TMC3: variants seen among roughly 807,000 people sequenced by gnomAD.
TMC3 encodes transmembrane channel-like protein 3.
In TMC3, 98 loss-of-function variants were observed where a neutral mutation model predicts 110.6. The ratio of observed to expected loss-of-function variants is 0.89; its 90% CI spans 0.75 to 1.05. TMC3 has a LOEUF of 1.05. Among genes scored for constraint, TMC3 ranks in the 50% least tolerant of loss-of-function variants. TMC3 has a pLI of 0.00. For synonymous variants in TMC3, 489 were observed against 513.1 expected, an observed-to-expected ratio of 0.95 and a Z score of 0.63; for missense variants, 1,319 against 1,373.2, an observed-to-expected ratio of 0.96 and a Z score of 0.62.
At chr15:81,369,054 C>T (rs531320443) in intron 2 of TMC3, among the ~76,000 whole-genome samples, 1 of 152,106 alleles carries the variant, frequency 6.6e-6, no homozygotes, top group East Asian at 1.9e-4. Context: ...AATCATATAC[C>T]ACCCCATGCA....
chr15:81,358,507 A>T lies in TMC3; in HGVS notation c.502-7T>A. 1 of 1,603,220 alleles carries T rather than the reference A, an allele frequency of 6.2e-7. No individual in the cohort carries two copies. The highest frequency in any genetic ancestry group is 8.5e-7 in the Non-Finnish European group (1 of 1,174,346). ...AGGGCTGGCCTGCAATCAGCTGGTG[A>T]GAGAAGAAAGCATGTCATGTGGTCC... On this transcript the variant is annotated splice_polypyrimidine_tract_variant and splice_region_variant and intron_variant, in intron 5 of 21. Coordinates refer to ENST00000359440, the MANE Select transcript of TMC3 (RefSeq NM_001080532.3).
At chr15:81,354,089 T>C (rs10162822) in intron 9 of TMC3, among the ~76,000 whole-genome samples, 23,878 of 152,164 alleles carry the variant, frequency 0.16, 3,586 homozygotes, top group African/African-American at 0.4. Context: ...AACTGAAACA[T>C]ATCCATTTTT....
At chr15:81,365,850 A>G (rs577015358) in intron 3 of TMC3, among the ~76,000 whole-genome samples, 26 of 152,300 alleles carry the variant, frequency 1.7e-4, no homozygotes, top group African/African-American at 6.3e-4. Context: ...AACAACATAT[A>G]TGATAGTTCA....
At chr15:81,351,115 C>T (rs1002753208) in intron 10 of TMC3, among the ~76,000 whole-genome samples, 15 of 152,164 alleles carry the variant, frequency 9.9e-5, no homozygotes, top group Admixed American at 5.9e-4. Flanking sequence ...AAAACACAGT[C>T]GGTGAGGCTC....
In TMC3 at chr15:81,339,444, G is replaced by A. The variant is rs1893666418; in HGVS notation, c.1905C>T (p.Thr635=). 6.8e-6 allele frequency: 11 copies of A among 1,611,024 alleles called. No homozygotes were observed. Among genetic ancestry groups the A allele is most frequent in the African/African-American group, 1.3e-5 (1 of 74,894 alleles). The change falls in exon 17 of 22, where the codon ACC becomes ACT. Residue 635 remains threonine (T), a synonymous_variant. Coordinates refer to ENST00000359440, the MANE Select transcript of TMC3 (RefSeq NM_001080532.3). The part of the protein sequence containing the change: ...LFMLFLCMLP[T]IFAIVRYKPS... ...GCTTGTATCGGACAATAGCAAAAAT[G>A]GTTGGCAGCATGCACAGAAACAGCA...
chr15:81,357,360 G>A (rs1894087549), intron 7 of TMC3, among the ~76,000 whole-genome samples: 1 of 151,848 alleles, frequency 6.6e-6, no homozygotes, highest in African/African-American at 2.4e-5. Context: ...CCACAAGGGG[G>A]TTGGGCAATG....
Position 81,332,312 on chromosome 15 carries a change from G to C in TMC3, c.*107C>G. On this transcript the variant is annotated 3_prime_UTR_variant, in exon 22 of 22. Transcript: ENST00000359440. ...AGCAGCCGCTGACCATGCCCCTCAGGTCTCTAACACACTTGTTCACCTCTT... is the reference window on the plus strand; with the variant it reads ...AGCAGCCGCTGACCATGCCCCTCAGCTCTCTAACACACTTGTTCACCTCTT... The C allele has an allele frequency of 7.0e-7, 1 of 1,426,798 alleles. No homozygotes were observed. The highest frequency in any genetic ancestry group is 9.3e-7 in the Non-Finnish European group (1 of 1,079,856). 88.4% of individuals were successfully genotyped at this position (1,426,798 alleles called of 1,614,324 possible).
intron 11 of TMC3, among the ~76,000 whole-genome samples, 198 bp downstream of exon 11, chr15:81,349,260 C>T (rs1440714057): frequency 6.6e-6 from 1 of 152,146 alleles, no homozygotes; most frequent in Non-Finnish European, 1.5e-5. Context: ...CTCCTCCCTT[C>T]CTCCTCCTCT....
At chr15:81,373,252 C>T (rs924722036) in intron 1 of TMC3, among the ~76,000 whole-genome samples, 18 of 152,134 alleles carry the variant, frequency 1.2e-4, no homozygotes, top group African/African-American at 4.3e-4. Context: ...CTGAGATAAC[C>T]GAGGCAGAGC....
At position 81,334,783 on chromosome 15, in the gene TMC3, TC is replaced by T. The variant is rs1372475459; in HGVS notation, c.2395del (p.Asp799ThrfsTer16). ...QSMPQSPRPG[D>X]RAPSSPLPGV... ...AGGGAGAGGTGAGCTAGGAGCCCTG[TC>T]CCCTGGCCTCGGGCTCTGGGGCATG... is the stretch of plus-strand genomic sequence containing the variant. On this transcript the variant is annotated frameshift_variant, in exon 21 of 22. Coordinates refer to ENST00000359440, the MANE Select transcript of TMC3 (RefSeq NM_001080532.3). LOFTEE classifies it high-confidence loss of function. 6.2e-7 allele frequency: 1 copy of T among 1,613,996 alleles called. No individual in the cohort carries two copies. Among genetic ancestry groups the T allele is most frequent in the Admixed American group, 1.7e-5 (1 of 60,022 alleles).
At chr15:81,364,633 G>A (rs1894264879) in intron 3 of TMC3, among the ~76,000 whole-genome samples, 1 of 145,858 alleles carries the variant, frequency 6.9e-6, no homozygotes, top group Non-Finnish European at 1.5e-5. Context: ...GTATACATAT[G>A]TAACTAACCT....
intron 16 of TMC3, 104 bp from the exon 17 acceptor site, chr15:81,339,608 G>T: frequency 2.4e-6 from 2 of 846,648 alleles, no homozygotes; most frequent in Non-Finnish European, 3.9e-6. Flanking sequence ...CTGACTCTTT[G>T]CAAACTAAAA....
At chr15:81,360,575 A>G (rs1023696909) in intron 4 of TMC3, among the ~76,000 whole-genome samples, 7 of 151,780 alleles carry the variant, frequency 4.6e-5, no homozygotes, top group African/African-American at 1.4e-4. Flanking sequence ...TGATTCGTTG[A>G]GGAAGCACTC....
In TMC3 at chr15:81,332,189, C is replaced by G; in HGVS notation, c.*230G>C. On this transcript the variant is annotated 3_prime_UTR_variant, in exon 22 of 22. Transcript: ENST00000359440. ...GCTGCAGACCCGTGATGATTCACTGCTGGTGACATACTTTGGTGCCACCTA... is the reference window on the plus strand; with the variant it reads ...GCTGCAGACCCGTGATGATTCACTGGTGGTGACATACTTTGGTGCCACCTA... 2 of 522,224 alleles carry G rather than the reference C, an allele frequency of 3.8e-6. No individual in the cohort carries two copies. The highest frequency in any genetic ancestry group is 6.7e-6 in the Non-Finnish European group (2 of 300,514). The allele number at this position is 522,224 out of a possible 1,614,324, so 32.3% of individuals were successfully genotyped here.
Position 81,336,617 on chromosome 15 carries a change from A to T in TMC3, c.2195T>A (p.Met732Lys). ...RSEDKKKVAQ[M>K]VEARIQTQEE... ...GAAACGGAAATACTTACCTTCTACC[A>T]TCTGGGCAACCTTTTTCTTATCCTC... The change falls in exon 20 of 22, where the codon ATG (methionine) becomes AAG (lysine). Residue 732 changes from methionine (M) to lysine (K), a missense_variant. Physicochemically the swap from Met to Lys is moderately conservative, Grantham distance 95. Transcript: ENST00000359440. 1 of 1,613,884 alleles carries T rather than the reference A, an allele frequency of 6.2e-7. No homozygotes were observed. The highest frequency in any genetic ancestry group is 8.5e-7 in the Non-Finnish European group (1 of 1,179,860).
chr15:81,338,293 C>G (rs1166260473), intron 18 of TMC3, among the ~76,000 whole-genome samples: 1 of 152,138 alleles, frequency 6.6e-6, no homozygotes, highest in Non-Finnish European at 1.5e-5. Flanking sequence ...CAAAGCTACT[C>G]AGCTGAGTTG....
chr15:81,370,245 A>G (rs534336018), intron 2 of TMC3, among the ~76,000 whole-genome samples: 41 of 152,184 alleles, frequency 2.7e-4, no homozygotes, highest in Non-Finnish European at 5.7e-4. Context: ...GCATCCTGCT[A>G]TGCTCCCTTG....
intron 19 of TMC3, 155 bp downstream of exon 19, chr15:81,337,691 T>C: frequency 1.5e-6 from 1 of 682,268 alleles, no homozygotes; most frequent in Non-Finnish European, 2.7e-6. Flanking sequence ...GAAATAACTC[T>C]TGGACATCTG....
At chr15:81,343,790 C>G in intron 14 of TMC3, 127 bp downstream of exon 14, 1 of 1,002,096 alleles carries the variant, frequency 1.0e-6, no homozygotes, top group Non-Finnish European at 1.4e-6. Flanking sequence ...CTGCACCCAT[C>G]TCTTCCCACT....
Sources: gnomAD v4.1 joint callset for allele counts (sites outside exome capture counted in the v4.1 genomes callset) on GRCh38, gnomAD v4.1.1 for gene constraint, MANE v1.5 for transcripts, NCBI Gene and HGNC (gene_info 2026-07-23, HGNC 2026-07-21) for gene names.